Variants in SUPT3H observed in about 807,000 individuals in gnomAD.
SUPT3H encodes the protein SPT3 homolog, SAGA and STAGA complex component, also known as transcription initiation protein SPT3 homolog.
A neutral mutation model predicts 44.3 loss-of-function variants in SUPT3H; 44 were observed. The observed-to-expected ratio is 0.99, with a 90% CI of 0.78 to 1.28. SUPT3H has a LOEUF of 1.28. Among genes scored for constraint, SUPT3H ranks in the 50% most tolerant of loss-of-function variants. The pLI, the probability that SUPT3H is intolerant of heterozygous loss-of-function variation, is 0.00. For missense variants in SUPT3H, 380 were observed against 387.1 expected (o/e 0.98, Z 0.15); for synonymous variants, 124 against 125.6 (o/e 0.99, Z 0.09).
chr6:45,283,152 C>T (rs928106284), intron 2 of SUPT3H, among the ~76,000 whole-genome samples: 13 of 152,222 alleles, frequency 8.5e-5, no homozygotes, highest in East Asian at 3.9e-4. Flanking sequence ...TAAAGACCAT[C>T]GAGGCTAGGA....
chr6:45,244,845 T>C (rs1408600148), intron 2 of SUPT3H, among the ~76,000 whole-genome samples: 1 of 152,172 alleles, frequency 6.6e-6, no homozygotes, highest in Non-Finnish European at 1.5e-5. Context: ...TTAAATTTCT[T>C]GAGAATAAAG....
chr6:45,226,658 A>C (rs1766999962), intron 2 of SUPT3H, among the ~76,000 whole-genome samples: 1 of 152,084 alleles, frequency 6.6e-6, no homozygotes, highest in African/African-American at 2.4e-5. Flanking sequence ...TCCTGCCTTG[A>C]GTAGCTGGGA....
intron 6 of SUPT3H, among the ~76,000 whole-genome samples, chr6:44,988,541 A>AAC: frequency 7.2e-6 from 1 of 139,658 alleles, no homozygotes; most frequent in Non-Finnish European, 1.6e-5. Flanking sequence ...AAAAAAAAAA[A>AAC]AATTTATGGG....
rs191094820 is a variant in SUPT3H, at chr6:44,989,645, C to T, written c.504+14008G>A. On this transcript the variant is annotated intron_variant, in intron 6 of 10. Coordinates refer to ENST00000371459, the MANE Select transcript of SUPT3H (RefSeq NM_003599.4). ...AAATAACGTACAAAGGTTCCTATTCCTCCACGCCCTAACACTTACCTCTTG... is the reference window on the plus strand; with the variant it reads ...AAATAACGTACAAAGGTTCCTATTCTTCCACGCCCTAACACTTACCTCTTG... Among the ~76,000 whole-genome samples the T allele has an allele frequency of 6.4e-4, 98 of 152,202 alleles. 1 individual carries two copies. The Middle Eastern group carries it at 0.014, about 21-fold the overall frequency.
At chr6:45,063,099 C>T (rs1470635428) in intron 3 of SUPT3H, among the ~76,000 whole-genome samples, 7 of 146,234 alleles carry the variant, frequency 4.8e-5, no homozygotes, top group South Asian at 2.3e-4. Context: ...TCTCCCAGCA[C>T]GCAGCTGGAG....
In SUPT3H at chr6:45,180,277, A is replaced by T. The variant is rs1368493821; in HGVS notation, c.102-74271T>A. Among the ~76,000 whole-genome samples the T allele has an allele frequency of 2.7e-5, 4 of 147,154 alleles. No homozygotes were observed. In the East Asian group the frequency reaches 7.9e-4, roughly 29 times the overall value. ...TGGGTAGGAAGAATCAATATCGTGA[A>T]AATGGCCATACTGCCCAAGGTAATT... On this transcript the variant is annotated intron_variant, in intron 2 of 10. Transcript: ENST00000371459.
intron 2 of SUPT3H, among the ~76,000 whole-genome samples, chr6:45,261,412 G>T (rs931369245): frequency 4.0e-5 from 6 of 151,774 alleles, no homozygotes; most frequent in Admixed American, 6.6e-5. Context: ...GCAAGGTTGG[G>T]TCAACATACG....
intron 10 of SUPT3H, among the ~76,000 whole-genome samples, chr6:44,889,169 A>C (rs1401823533): frequency 6.6e-6 from 1 of 152,108 alleles, no homozygotes; most frequent in African/African-American, 2.4e-5. Context: ...AAGAATCAAT[A>C]TTGTGAAAAT....
At chr6:44,935,269 C>A (rs1221777516) in intron 9 of SUPT3H, among the ~76,000 whole-genome samples, 1 of 151,868 alleles carries the variant, frequency 6.6e-6, no homozygotes, top group Non-Finnish European at 1.5e-5. Context: ...AAAAATGTAT[C>A]CAAAGTTTAG....
At chr6:45,087,065 C>G (rs547858098) in intron 3 of SUPT3H, among the ~76,000 whole-genome samples, 1 of 151,920 alleles carries the variant, frequency 6.6e-6, no homozygotes, top group Admixed American at 6.6e-5. Flanking sequence ...TCAGATTAAG[C>G]TAATTATTAG....
chr6:45,282,773 C>G (rs1397703176), intron 2 of SUPT3H, among the ~76,000 whole-genome samples: 1 of 152,096 alleles, frequency 6.6e-6, no homozygotes, highest in East Asian at 1.9e-4. Flanking sequence ...AACTCCAAGA[C>G]ACATAATTGT....
At chr6:44,830,168 T>C (rs1339826928) in intron 10 of SUPT3H, among the ~76,000 whole-genome samples, 2 of 152,218 alleles carry the variant, frequency 1.3e-5, no homozygotes, top group African/African-American at 4.8e-5. Flanking sequence ...GTTTGTCTTT[T>C]ATAAACATGT....
At chr6:44,909,893 A>G (rs572302775) in intron 10 of SUPT3H, among the ~76,000 whole-genome samples, 44 of 152,358 alleles carry the variant, frequency 2.9e-4, no homozygotes, top group African/African-American at 9.9e-4. Flanking sequence ...TTAAAACACA[A>G]TAATACTGGC....
At chr6:44,820,289 T>G (rs2153405375) in intron 11 of SUPT3H, among the ~76,000 whole-genome samples, 1 of 152,312 alleles carries the variant, frequency 6.6e-6, no homozygotes, top group African/African-American at 2.4e-5. Flanking sequence ...TCACAACTAA[T>G]TTCTGCTTGT....
intron 2 of SUPT3H, among the ~76,000 whole-genome samples, chr6:45,199,778 C>A (rs1356932205): frequency 6.6e-6 from 1 of 151,418 alleles, no homozygotes; most frequent in Non-Finnish European, 1.5e-5. Flanking sequence ...GACAGCAGTA[C>A]AAAAGCCATT....
At chr6:45,192,033 T>C (rs1326170160) in intron 2 of SUPT3H, among the ~76,000 whole-genome samples, 2 of 152,166 alleles carry the variant, frequency 1.3e-5, no homozygotes, top group Admixed American at 6.5e-5. Flanking sequence ...GAAACTGCTA[T>C]GTCGAAAAGG....
intron 2 of SUPT3H, among the ~76,000 whole-genome samples, chr6:45,140,131 C>G (rs1804939957): frequency 6.6e-6 from 1 of 152,072 alleles, no homozygotes; most frequent in South Asian, 2.1e-4. Context: ...TATGATACAG[C>G]AGAAGCAGCC....
intron 6 of SUPT3H, among the ~76,000 whole-genome samples, chr6:44,989,366 A>G (rs1312787570): frequency 6.6e-6 from 1 of 152,114 alleles, no homozygotes; most frequent in Non-Finnish European, 1.5e-5. Flanking sequence ...GTGTATATCT[A>G]TTTCACAATT....
At chr6:44,909,829 C>T (rs930521114) in intron 10 of SUPT3H, among the ~76,000 whole-genome samples, 2 of 152,160 alleles carry the variant, frequency 1.3e-5, no homozygotes, top group Non-Finnish European at 2.9e-5. Context: ...ATAGGGAATG[C>T]TACCATTTTA....
Sources: gnomAD v4.1 joint callset for allele counts (sites outside exome capture counted in the v4.1 genomes callset) on GRCh38, gnomAD v4.1.1 for gene constraint, MANE v1.5 for transcripts, NCBI Gene and HGNC (gene_info 2026-07-23, HGNC 2026-07-21) for gene names.